Variants in ANK3 observed in about 807,000 individuals in gnomAD.
ANK3 encodes ankyrin 3, also known as ankyrin-3.
Under a neutral mutation model 370.9 loss-of-function variants are expected in ANK3, and 57 were observed. The ratio of observed to expected loss-of-function variants is 0.15; its 90% confidence interval spans 0.12 to 0.19. ANK3 has a LOEUF of 0.19. ANK3 is among the 10% of genes least tolerant of loss of function. The pLI, the probability that ANK3 is intolerant of heterozygous loss-of-function variation, is 1.00. For missense variants in ANK3, 4,439 were observed against 5,302.1 expected (o/e 0.84, Z 5.06); for synonymous variants, 1,929 against 1,946.3 (o/e 0.99, Z 0.23).
chr10:60,226,466 C>CT (rs1244162039), intron 8 of ANK3, among the ~76,000 whole-genome samples: 11 of 102,114 alleles, frequency 1.1e-4, no homozygotes, highest in Admixed American at 4.6e-4. Flanking sequence ...AGTATATATA[C>CT]ATAGTATATA....
chr10:60,168,705 C>G (rs376370020), intron 21 of ANK3, among the ~76,000 whole-genome samples: 1 of 152,268 alleles, frequency 6.6e-6, no homozygotes. Context: ...TCTCCCTCCC[C>G]ACCCCCAGGC....
At position 60,031,334 on chromosome 10, in the gene ANK3, G is replaced by A. The variant is rs1463072316; in HGVS notation, c.*20-1508C>T. On this transcript the variant is annotated intron_variant, in intron 43 of 43. Coordinates refer to ENST00000280772, the MANE Select transcript of ANK3 (RefSeq NM_020987.5). ...CTGAGAATGTCTTGTCTTGCTGGAAGATTCCTGCATAAAGCATCTGTGTTT... is the reference window on the plus strand; with the variant it reads ...CTGAGAATGTCTTGTCTTGCTGGAAAATTCCTGCATAAAGCATCTGTGTTT... Among the ~76,000 whole-genome samples the A allele has an allele frequency of 3.9e-5, 6 of 152,152 alleles. No homozygotes were observed. The East Asian group carries it at 9.6e-4, about 24-fold the overall frequency.
intron 2 of ANK3, among the ~76,000 whole-genome samples, chr10:60,444,417 A>G (rs1218829811): frequency 6.9e-6 from 1 of 144,170 alleles, no homozygotes; most frequent in African/African-American, 2.6e-5. Context: ...CATTATATGT[A>G]TATATAACAT....
intron 43 of ANK3, among the ~76,000 whole-genome samples, chr10:60,033,438 C>T (rs1333430056): frequency 7.0e-6 from 1 of 143,590 alleles, no homozygotes; most frequent in Non-Finnish European, 1.5e-5. Context: ...TTGCTTGAAC[C>T]CAGGAGGCGG....
chr10:60,199,475 A>G (rs2096639733), intron 13 of ANK3, among the ~76,000 whole-genome samples: 1 of 152,120 alleles, frequency 6.6e-6, no homozygotes, highest in African/African-American at 2.4e-5. Flanking sequence ...AATCTCACAT[A>G]CTGCTACTAC....
exon 1 of ANK3, chr10:60,733,438 C>A: frequency 2.2e-6 from 2 of 919,532 alleles, no homozygotes; most frequent in Non-Finnish European, 2.8e-6. Flanking sequence ...CTCAGGAACA[C>A]CAAGCGCGGC....
intron 23 of ANK3, among the ~76,000 whole-genome samples, chr10:60,156,138 A>G (rs1361581626): frequency 6.6e-6 from 1 of 152,216 alleles, no homozygotes; most frequent in Non-Finnish European, 1.5e-5. Flanking sequence ...TGTGGTGGCC[A>G]AGGGTGTGCC....
intron 2 of ANK3, among the ~76,000 whole-genome samples, chr10:60,542,008 C>G (rs560345457): frequency 6.6e-6 from 1 of 151,842 alleles, no homozygotes; most frequent in African/African-American, 2.4e-5. Context: ...TTAGCGTGCT[C>G]TTAATTTGTA....
chr10:60,715,687 T>C (rs1022181376), intron 1 of ANK3, among the ~76,000 whole-genome samples: 1 of 152,198 alleles, frequency 6.6e-6, no homozygotes, highest in Non-Finnish European at 1.5e-5. Flanking sequence ...AGTAGTAATA[T>C]TGACTGTTGA....
intron 42 of ANK3, among the ~76,000 whole-genome samples, chr10:60,055,273 A>C (rs552096256): frequency 5.3e-5 from 8 of 152,136 alleles, no homozygotes; most frequent in Non-Finnish European, 1.0e-4. Context: ...GATCAGAATG[A>C]TTATCCTCCT....
At chr10:60,064,747 T>C (rs1300841699) in intron 38 of ANK3, among the ~76,000 whole-genome samples, 1 of 152,086 alleles carries the variant, frequency 6.6e-6, no homozygotes, top group Non-Finnish European at 1.5e-5. Context: ...ATGCCTGTGG[T>C]CCCAGCTACT....
At chr10:60,300,612 T>G in intron 1 of ANK3, 27 of 1,091,458 alleles carry the variant, frequency 2.5e-5, no homozygotes, top group East Asian at 6.2e-5. Context: ...ATATTGGCTC[T>G]GTGGATTTAG....
intron 7 of ANK3, among the ~76,000 whole-genome samples, chr10:60,240,478 A>G (rs1275670470): frequency 6.7e-6 from 1 of 150,252 alleles, no homozygotes; most frequent in Non-Finnish European, 1.5e-5. Context: ...CTAATTTTGT[A>G]TTTTTAGTAG....
intron 2 of ANK3, among the ~76,000 whole-genome samples, chr10:60,452,823 C>T (rs1237988150): frequency 3.9e-5 from 6 of 152,146 alleles, no homozygotes; most frequent in African/African-American, 1.4e-4. Flanking sequence ...CTTGTTTGTT[C>T]TGTGGCTACT....
At chr10:60,258,043 C>G (rs1208854181) in intron 7 of ANK3, among the ~76,000 whole-genome samples, 1 of 152,204 alleles carries the variant, frequency 6.6e-6, no homozygotes, top group African/African-American at 2.4e-5. Context: ...GGGAACTTTG[C>G]AGGCAACCAC....
intron 2 of ANK3, among the ~76,000 whole-genome samples, chr10:60,439,222 A>T (rs1208918499): frequency 6.6e-6 from 1 of 152,138 alleles, no homozygotes; most frequent in African/African-American, 2.4e-5. Flanking sequence ...ATGTGGCTCC[A>T]CTGTAAAAAT....
At chr10:60,271,838 T>C (rs1281563790) in intron 4 of ANK3, among the ~76,000 whole-genome samples, 1 of 151,006 alleles carries the variant, frequency 6.6e-6, no homozygotes, top group African/African-American at 2.4e-5. Flanking sequence ...AGCTATGTAC[T>C]TATCAGAGAG....
intron 1 of ANK3, among the ~76,000 whole-genome samples, chr10:60,327,424 A>G (rs1419299035): frequency 2.6e-5 from 4 of 152,184 alleles, no homozygotes; most frequent in African/African-American, 9.7e-5. Context: ...GAACAGTGGG[A>G]TGGTTGGTAA....
At chr10:60,378,298 T>G (rs1384001511) in intron 1 of ANK3, among the ~76,000 whole-genome samples, 1 of 152,216 alleles carries the variant, frequency 6.6e-6, no homozygotes, top group Non-Finnish European at 1.5e-5. Flanking sequence ...AAAATTAGTC[T>G]GTTTTAAAGC....
Sources: allele counts gnomAD v4.1 joint callset (sites outside exome capture counted in the v4.1 genomes callset), GRCh38; gene constraint gnomAD v4.1.1; transcripts MANE v1.5; gene names NCBI Gene and HGNC (gene_info 2026-07-23, HGNC 2026-07-21).